The following IL31RA variants were observed in gnomAD, a reference collection of about 807,000 sequenced individuals.
IL31RA encodes interleukin-31 receptor subunit alpha.
In IL31RA, 66 loss-of-function variants were observed where a neutral mutation model predicts 83.7. That is an observed-to-expected ratio of 0.79 (90% CI 0.65 to 0.97). The LOEUF (loss-of-function observed/expected upper bound fraction) is 0.97. IL31RA is among the 50% of genes least tolerant of loss of function. The pLI, the probability that IL31RA is intolerant of heterozygous loss-of-function variation, is 0.00. For synonymous variants in IL31RA, 325 were observed against 329.0 expected, an observed-to-expected ratio of 0.99 and a Z score of 0.13; for missense variants, 798 against 919.4, an observed-to-expected ratio of 0.87 and a Z score of 1.71.
At chr5:55,893,809 ATTTTT>A (rs66540216) in intron 6 of IL31RA, among the ~76,000 whole-genome samples, 3 of 125,920 alleles carry the variant, frequency 2.4e-5, no homozygotes, top group Non-Finnish European at 3.3e-5. Context: ...CTATGAGATA[ATTTTT>A]TTTTTTTTTT....
At chr5:55,888,338 G>C (rs926191042) in intron 5 of IL31RA, among the ~76,000 whole-genome samples, 2 of 152,128 alleles carry the variant, frequency 1.3e-5, no homozygotes, top group African/African-American at 4.8e-5. Context: ...AGCCTTACAG[G>C]CACCTTGATT....
chr5:55,909,507 C>T (rs1464455248), intron 11 of IL31RA, among the ~76,000 whole-genome samples: 1 of 152,152 alleles, frequency 6.6e-6, no homozygotes, highest in Admixed American at 6.5e-5. Context: ...ACAGTGACTA[C>T]TCCACACTAT....
chr5:55,893,236 C>G (rs1450004149), intron 6 of IL31RA, among the ~76,000 whole-genome samples: 1 of 152,124 alleles, frequency 6.6e-6, no homozygotes, highest in Non-Finnish European at 1.5e-5. Flanking sequence ...TATTGAATAC[C>G]TGCTTAATTT....
chr5:55,892,554 T>G (rs1748066830), intron 6 of IL31RA, among the ~76,000 whole-genome samples: 1 of 152,232 alleles, frequency 6.6e-6, no homozygotes, highest in South Asian at 2.1e-4. Flanking sequence ...TGTTCCCCAC[T>G]GGAGATGTTC....
At chr5:55,899,675 G>T (rs892877798) in intron 7 of IL31RA, among the ~76,000 whole-genome samples, 5 of 152,104 alleles carry the variant, frequency 3.3e-5, no homozygotes, top group Admixed American at 1.3e-4. Context: ...ATTGTTTTGG[G>T]CATTCTTCTA....
rs1187435287 is a variant in IL31RA at position 55,920,695 on chromosome 5, C to A, written c.*3575C>A. Among the ~76,000 whole-genome samples, 2 of 152,222 alleles carry A rather than the reference C, an allele frequency of 1.3e-5. No homozygotes were observed. The highest frequency in any genetic ancestry group is 4.8e-5 in the African/African-American group (2 of 41,456). ...CCACTATGTTTCAACTTTGAATTAG[C>A]TGCAAATTAAAAAGAAATCAGGATA... On this transcript the variant is annotated 3_prime_UTR_variant, in exon 15 of 15. Transcript: ENST00000652347.
chr5:55,863,127 G>A (rs1201028157), intron 2 of IL31RA, among the ~76,000 whole-genome samples: 1 of 152,208 alleles, frequency 6.6e-6, no homozygotes, highest in Admixed American at 6.5e-5. Flanking sequence ...CTAGAAAGTA[G>A]AAGTGAAGTC....
intron 11 of IL31RA, chr5:55,908,896 G>A (rs187226870): frequency 6.3e-6 from 8 of 1,268,800 alleles, no homozygotes; most frequent in Middle Eastern, 3.1e-4. Context: ...TAAAATACAC[G>A]TAAAATATTT....
chr5:55,849,890 G>A (rs543887097), upstream of IL31RA, among the ~76,000 whole-genome samples: 87 of 152,214 alleles, frequency 5.7e-4, no homozygotes, highest in African/African-American at 1.8e-3. Context: ...ATAACATCTC[G>A]AAAATGGTCA....
intron 3 of IL31RA, among the ~76,000 whole-genome samples, chr5:55,869,186 A>G (rs535446099): frequency 6.6e-6 from 1 of 152,340 alleles, no homozygotes; most frequent in South Asian, 2.1e-4. Context: ...ACACTCAACT[A>G]TACCCTGCCT....
chr5:55,913,874 G>A (rs138939336), intron 13 of IL31RA, among the ~76,000 whole-genome samples: 41 of 152,324 alleles, frequency 2.7e-4, no homozygotes, highest in African/African-American at 9.1e-4. Context: ...ACTGGAGTTG[G>A]AGAGCAGACC....
chr5:55,906,066 A>T (rs147213590), intron 8 of IL31RA, 40 bp from the exon 9 acceptor site: 1 of 1,602,270 alleles, frequency 6.2e-7, no homozygotes, highest in Non-Finnish European at 8.6e-7. Context: ...TTGGGGAATG[A>T]GTTGGGTAGC....
rs1404402998 is a variant in IL31RA at position 55,917,065 on chromosome 5, C to T, written c.2240C>T (p.Ala747Val). The change falls in exon 15 of 15, where the codon GCC becomes GTC. Residue 747 changes from alanine to valine, a missense_variant. Coordinates refer to ENST00000652347, the MANE Select transcript of IL31RA (RefSeq NM_139017.7). ...PNPYLKNSVT[A>V]REFLVSEKLP... ...CCATATTTGAAAAATTCAGTGACAG[C>T]CAGGGAATTTCTTGTGTCTGAAAAA... The T allele has an allele frequency of 6.2e-7, 1 of 1,614,176 alleles. No individual in the cohort carries two copies.
At chr5:55,842,673 A>G in the IL31RA span, among the ~76,000 whole-genome samples, 34 of 152,316 alleles carry the variant, frequency 2.2e-4, no homozygotes, top group African/African-American at 8.2e-4. Context: ...TTTCATTTAT[A>G]GCACTTTGTT....
At chr5:55,908,448 A>G in intron 11 of IL31RA, 37 bp downstream of exon 11, 1 of 1,614,192 alleles carries the variant, frequency 6.2e-7, no homozygotes, top group African/African-American at 1.3e-5. Flanking sequence ...AAAAACCCCA[A>G]GCCCCAGATA....
At chr5:55,908,225 G>A (rs1023802053) in intron 10 of IL31RA, 40 bp from the exon 11 acceptor site, 2 of 1,612,610 alleles carry the variant, frequency 1.2e-6, no homozygotes, top group East Asian at 4.5e-5. Flanking sequence ...CTCCTGGAGT[G>A]CGGTTCAGTG....
intron 6 of IL31RA, among the ~76,000 whole-genome samples, chr5:55,890,593 CT>C (rs1747923600): frequency 6.6e-6 from 1 of 152,164 alleles, no homozygotes; most frequent in African/African-American, 2.4e-5. Flanking sequence ...TAGTCTTGAA[CT>C]CCTGACCTCA....
chr5:55,857,430 TC>T (rs1745427267), intron 1 of IL31RA, among the ~76,000 whole-genome samples: 1 of 152,098 alleles, frequency 6.6e-6, no homozygotes, highest in Non-Finnish European at 1.5e-5. Context: ...CAGCAAGCAG[TC>T]CTTTTTGTGG....
At position 55,913,517 on chromosome 5, in the gene IL31RA, A is replaced by G; in HGVS notation, c.1683A>G (p.Gly561=). The G allele has an allele frequency of 1.2e-6, 2 of 1,613,678 alleles. No individual in the cohort carries two copies. The highest frequency in any genetic ancestry group is 2.2e-5 in the South Asian group (2 of 91,078). Residue 561 remains glycine, a synonymous_variant, in exon 13 of 15, where the codon GGA becomes GGG. Coordinates refer to ENST00000652347, the MANE Select transcript of IL31RA (RefSeq NM_139017.7). ...TCCTCATAACTTCTCTGATTGGTGG[A>G]GGCCTTCTTATTCTCATTATCCTGA... The part of the protein sequence containing the change: ...EIILITSLIG[G]GLLILIILTV...
Sources: allele counts gnomAD v4.1 joint callset (sites outside exome capture counted in the v4.1 genomes callset), GRCh38; gene constraint gnomAD v4.1.1; transcripts MANE v1.5; gene names NCBI Gene and HGNC (gene_info 2026-07-23, HGNC 2026-07-21).